Variants in CCPG1 observed in about 807,000 individuals in gnomAD.
CCPG1 encodes cell cycle progression protein 1.
CCPG1 carries 46 observed loss-of-function variants against 81.3 expected under a neutral mutation model. That is an observed-to-expected ratio of 0.57 (90% CI 0.45 to 0.72). The LOEUF (loss-of-function observed/expected upper bound fraction) is 0.72. CCPG1 is among the 30% of genes least tolerant of loss of function. The pLI is 0.00. For synonymous variants in CCPG1, 330 were observed against 305.2 expected (o/e 1.08, Z -0.85); for missense variants, 902 against 937.6 (o/e 0.96, Z 0.50).
chr15:55,372,529 T>A (rs774411766), intron 5 of CCPG1: 1 of 199,062 alleles, frequency 5.0e-6, no homozygotes, highest in East Asian at 1.4e-4. Flanking sequence ...GGCATGGTAG[T>A]GCACCTATAG....
rs185725252 is a variant in CCPG1 at position 55,357,097 on chromosome 15, G to C, written c.2235-688C>G. ...AGGAGTCTGATAAATATACAGTCTC[G>C]GCAAAAGAGATGACCATAGAACTAA... On this transcript the variant is annotated intron_variant, in intron 8 of 8. Transcript: ENST00000442196. The C allele has an allele frequency of 3.0e-6, 3 of 984,994 alleles. No individual in the cohort carries two copies. In the African/African-American group the frequency reaches 5.3e-5, roughly 17 times the overall value. The allele number at this position is 984,994 out of a possible 1,614,324, so 61.0% of individuals were successfully genotyped here. A position where few individuals can be genotyped will look rare whatever the true frequency, so the allele number is the denominator to read the frequency against.
At chr15:55,375,629 A>T (rs2056549618) in intron 5 of CCPG1, among the ~76,000 whole-genome samples, 1 of 152,084 alleles carries the variant, frequency 6.6e-6, no homozygotes, top group South Asian at 2.1e-4. Flanking sequence ...TTATAGGCAA[A>T]CCACTGATAT....
At chr15:55,378,558 T>G (rs1406456072) in intron 3 of CCPG1, among the ~76,000 whole-genome samples, 182 bp from the exon 4 acceptor site, 5 of 152,166 alleles carry the variant, frequency 3.3e-5, no homozygotes, top group African/African-American at 1.2e-4. Flanking sequence ...TTCATTTATT[T>G]GAAACTGTCA....
chr15:55,392,401 G>A (rs940373148), intron 1 of CCPG1, among the ~76,000 whole-genome samples: 7 of 150,902 alleles, frequency 4.6e-5, no homozygotes, highest in Admixed American at 1.3e-4. Context: ...TAGTAGAGAC[G>A]GGGTTTCACC....
chr15:55,400,457 G>C (rs912360073), intron 1 of CCPG1, among the ~76,000 whole-genome samples: 1 of 151,606 alleles, frequency 6.6e-6, no homozygotes, highest in Non-Finnish European at 1.5e-5. Flanking sequence ...GCAGTGAGCC[G>C]AGATCACACC....
chr15:55,369,995 T>C (rs558651156), intron 6 of CCPG1, among the ~76,000 whole-genome samples: 1 of 144,926 alleles, frequency 6.9e-6, no homozygotes, highest in Admixed American at 6.6e-5. Flanking sequence ...AGCTAGATAG[T>C]CTATAAAGGT....
intron 8 of CCPG1, chr15:55,358,408 A>C (rs1254867947): frequency 6.1e-6 from 6 of 985,332 alleles, no homozygotes; most frequent in Non-Finnish European, 7.2e-6. Context: ...CCCGCCTTGA[A>C]AATTCTTCAG....
At position 55,356,018 on chromosome 15, in the gene CCPG1, C is replaced by T. The variant is rs1212663312; in HGVS notation, c.*202G>A. 13 of 514,894 alleles carry T rather than the reference C, an allele frequency of 2.5e-5. No individual in the cohort carries two copies. In the African/African-American group the frequency reaches 2.6e-4, roughly 10 times the overall value. 31.9% of individuals were successfully genotyped at this position (514,894 alleles called of 1,614,324 possible). A position where few individuals can be genotyped will look rare whatever the true frequency, so the allele number is the denominator to read the frequency against. ...AACATTTCCAGTGTCAAAAAAAATT[C>T]AACGAAGCTAAACTACAGGAAAATG... On this transcript the variant is annotated 3_prime_UTR_variant, in exon 9 of 9. Transcript: ENST00000442196.
chr15:55,397,087 G>T (rs2057032446), intron 1 of CCPG1, among the ~76,000 whole-genome samples: 1 of 152,066 alleles, frequency 6.6e-6, no homozygotes, highest in Admixed American at 6.6e-5. Flanking sequence ...GGTAGCGGGC[G>T]CCTGTAGTTC....
rs372148713 is a variant in CCPG1, at chr15:55,360,525, A to C, written c.1248T>G (p.Asn416Lys). 1.2e-6 allele frequency: 2 copies of C among 1,613,900 alleles called. No individual in the cohort carries two copies. The highest frequency in any genetic ancestry group is 1.7e-6 in the Non-Finnish European group (2 of 1,180,028). ...CTATTTCCTTTTTTTCAGTATATAC[A>C]TTGGGAGAATCTGACTTGCCATGTA... Reference protein sequence around the residue: ...SQLHGKSDSPNVYTEKKEIAI... With the variant: ...SQLHGKSDSPKVYTEKKEIAI... The change falls in exon 8 of 9, where the codon AAT becomes AAG. Residue 416 changes from asparagine to lysine, a missense_variant. By Grantham distance (94) the Asn-to-Lys change is moderately conservative. Coordinates refer to ENST00000442196, the MANE Select transcript of CCPG1 (RefSeq NM_001204450.2).
chr15:55,407,304 A>T (rs1440715405), intron 1 of CCPG1, among the ~76,000 whole-genome samples: 1 of 152,188 alleles, frequency 6.6e-6, no homozygotes, highest in Non-Finnish European at 1.5e-5. Flanking sequence ...AACTCAGAAA[A>T]TAAAAGTAAA....
chr15:55,408,347 T>C lies in CCPG1; in HGVS notation c.-136A>G, dbSNP rs2057278858. On this transcript the variant is annotated 5_prime_UTR_variant, in exon 1 of 9. Transcript: ENST00000442196. The stretch of plus-strand genomic sequence containing the variant: ...GCAGGCGTCTGCAGCCGGCAGGCGG[T>C]GACCGGCTGGGCGCCGCAGTGCATG... 6.2e-6 allele frequency: 1 copy of C among 160,658 alleles called. No homozygotes were observed. 10.0% of individuals were successfully genotyped at this position (160,658 alleles called of 1,614,324 possible). A position where few individuals can be genotyped will look rare whatever the true frequency, so the allele number is the denominator to read the frequency against.
In CCPG1 at chr15:55,356,369, A is replaced by G. The variant is rs2056076860; in HGVS notation, c.2275T>C (p.Ser759Pro). 1 of 1,534,796 alleles carries G rather than the reference A, an allele frequency of 6.5e-7. No homozygotes were observed. The highest frequency in any genetic ancestry group is 8.7e-7 in the Non-Finnish European group (1 of 1,146,720). Residue 759 changes from serine to proline, a missense_variant, in exon 9 of 9, where the codon TCC (serine) becomes CCC (proline). Physicochemically the swap from Ser to Pro is moderately conservative, Grantham distance 74 (BLOSUM62 -1). Around this residue, in one of 3 missense-constraint regions of CCPG1, gnomAD observed 128 missense variants for 161.2 expected, o/e 0.79. Transcript: ENST00000442196. ...KKQRMVNIEN[S>P]RHRKQEQKHL... ...TTCTGCTCTTGTTTTCGATGCCTGG[A>G]GTTTTCAATATTTACCATACGTTGC... is the stretch of plus-strand genomic sequence containing the variant.
At chr15:55,379,243 G>A (rs930053558) in intron 3 of CCPG1, among the ~76,000 whole-genome samples, 8 of 149,800 alleles carry the variant, frequency 5.3e-5, no homozygotes, top group African/African-American at 1.5e-4. Flanking sequence ...GGACTCAGGC[G>A]GGGTGCAGTG....
intron 1 of CCPG1, among the ~76,000 whole-genome samples, chr15:55,395,162 C>CCA (rs2141330921): frequency 6.6e-6 from 1 of 152,052 alleles, no homozygotes; most frequent in East Asian, 1.9e-4. Context: ...ACCATCCAGC[C>CCA]CAAAAGAGAA....
rs1035068577 is a variant in CCPG1, at chr15:55,389,349, G to T, written c.60+16C>A. 23 of 1,537,384 alleles carry T rather than the reference G, an allele frequency of 1.5e-5. No homozygotes were observed. The highest frequency in any genetic ancestry group is 2.0e-5 in the Non-Finnish European group (22 of 1,111,436). On this transcript the variant is annotated intron_variant, in intron 2 of 8. Transcript: ENST00000442196. Reference sequence around the variant, plus strand: ...AATATTACAAATTACCTTATAAAAAGTATTAAATATCATACCTCATGACTG... The same window carrying T: ...AATATTACAAATTACCTTATAAAAATTATTAAATATCATACCTCATGACTG...
At chr15:55,359,353 G>A in intron 8 of CCPG1, 186 bp downstream of exon 8, 1 of 1,350,984 alleles carries the variant, frequency 7.4e-7, no homozygotes, top group Non-Finnish European at 9.5e-7. Flanking sequence ...ATAATGAAAT[G>A]TTCCATTTGT....
chr15:55,381,411 G>C (rs2056692602), intron 3 of CCPG1, among the ~76,000 whole-genome samples: 1 of 152,154 alleles, frequency 6.6e-6, no homozygotes, highest in Non-Finnish European at 1.5e-5. Flanking sequence ...ACTCCAGCCT[G>C]GGCAACAGTG....
chr15:55,397,475 C>T lies in CCPG1; in HGVS notation c.-9-8042G>A, dbSNP rs113943108. 1.5e-3 allele frequency among the ~76,000 whole-genome samples: 228 copies of T among 152,210 alleles called. 2 individuals carry two copies. Among genetic ancestry groups the T allele is most frequent in the African/African-American group, 5.3e-3 (221 of 41,526 alleles). On this transcript the variant is annotated intron_variant, in intron 1 of 8. Transcript: ENST00000442196. ...GGCTACTATGATAATCCAGGTGAGA[C>T]ATGATGGTGGTTTGGACTAGAATGG...
Sources: gnomAD v4.1 joint callset for allele counts (sites outside exome capture counted in the v4.1 genomes callset) on GRCh38, gnomAD v4.1.1 for gene constraint, gnomAD v4.1.1 regional missense constraint, MANE v1.5 for transcripts, NCBI Gene and HGNC (gene_info 2026-07-23, HGNC 2026-07-21) for gene names.